Variants in CDH12 observed in about 807,000 individuals in gnomAD.
CDH12 encodes cadherin 12.
CDH12 carries 41 observed loss-of-function variants against 74.1 expected under a neutral mutation model. The ratio of observed to expected loss-of-function variants is 0.55; its 90% CI spans 0.43 to 0.72. The LOEUF is 0.72. CDH12 is among the 30% of genes least tolerant of loss of function. The probability of loss-of-function intolerance (pLI) is 0.00; values close to 1 mark genes in which losing one functional copy is unlikely to be tolerated. For synonymous variants in CDH12, 399 were observed against 355.0 expected (o/e 1.12, Z -1.39); for missense variants, 945 against 977.2 (o/e 0.97, Z 0.44).
At chr5:22,244,707 G>C (rs2150383010) in intron 3 of CDH12, among the ~76,000 whole-genome samples, 1 of 139,984 alleles carries the variant, frequency 7.1e-6, no homozygotes, top group Non-Finnish European at 1.5e-5. Flanking sequence ...GAAAAAGAAA[G>C]AGAAAGAGAG....
chr5:22,774,526 G>A (rs1019105739), intron 1 of CDH12, among the ~76,000 whole-genome samples: 1 of 152,054 alleles, frequency 6.6e-6, no homozygotes, highest in African/African-American at 2.4e-5. Flanking sequence ...GAATCATGGG[G>A]GGCAAGTCTT....
At position 21,903,903 on chromosome 5, in the gene CDH12, AC is replaced by A. The variant is rs1219392452; in HGVS notation, c.527-49114del. Among the ~76,000 whole-genome samples the A allele has an allele frequency of 1.8e-4, 28 of 152,186 alleles. 1 individual carries two copies. Among genetic ancestry groups the A allele is most frequent in the Non-Finnish European group, 4.0e-4 (27 of 68,022 alleles). ...CCAGAAAAGGAACAGAAAATGAGACACAAAAAAAGCCATCAACGACATCATT... is the reference window on the plus strand; with the variant it reads ...CCAGAAAAGGAACAGAAAATGAGACAAAAAAAAGCCATCAACGACATCATT... On this transcript the variant is annotated intron_variant, in intron 6 of 14. Transcript: ENST00000382254.
chr5:22,056,998 C>A (rs898962771), intron 5 of CDH12, among the ~76,000 whole-genome samples: 1 of 152,114 alleles, frequency 6.6e-6, no homozygotes, highest in Admixed American at 6.6e-5. Context: ...AGCAGTTCTG[C>A]ATGTTCACAA....
chr5:21,955,567 A>G (rs962871085), intron 6 of CDH12, among the ~76,000 whole-genome samples: 1 of 152,120 alleles, frequency 6.6e-6, no homozygotes, highest in African/African-American at 2.4e-5. Flanking sequence ...GTAAGGATAT[A>G]ACCTTACCAG....
intron 6 of CDH12, among the ~76,000 whole-genome samples, chr5:21,913,175 G>A (rs1319563792): frequency 1.3e-5 from 2 of 152,124 alleles, no homozygotes; most frequent in African/African-American, 4.8e-5. Context: ...TCTTAGGGAA[G>A]ATGGATTCTA....
chr5:21,878,760 AAAAG>A (rs1490536602), intron 6 of CDH12, among the ~76,000 whole-genome samples: 28 of 143,602 alleles, frequency 1.9e-4, no homozygotes, highest in Middle Eastern at 7.2e-3. Flanking sequence ...TTGAAAGAAG[AAAAG>A]AAAGAAAGAA....
intron 8 of CDH12, among the ~76,000 whole-genome samples, chr5:21,835,714 C>T (rs996453793): frequency 1.3e-5 from 2 of 151,432 alleles, no homozygotes; most frequent in African/African-American, 4.9e-5. Flanking sequence ...TTATAAGTTA[C>T]ATATTTTAAA....
At chr5:22,827,691 G>A (rs1408179835) in intron 1 of CDH12, among the ~76,000 whole-genome samples, 1 of 152,116 alleles carries the variant, frequency 6.6e-6, no homozygotes, top group Non-Finnish European at 1.5e-5. Flanking sequence ...ATTAATCATT[G>A]ATGTAAATCC....
At chr5:22,775,539 AAAAC>A (rs1561022560) in intron 1 of CDH12, among the ~76,000 whole-genome samples, 1 of 152,006 alleles carries the variant, frequency 6.6e-6, no homozygotes, top group Non-Finnish European at 1.5e-5. Context: ...ATTTTATACT[AAAAC>A]AAATATAATT....
At chr5:22,838,404 A>G (rs185947064) in intron 1 of CDH12, among the ~76,000 whole-genome samples, 1 of 152,054 alleles carries the variant, frequency 6.6e-6, no homozygotes, top group East Asian at 2.0e-4. Flanking sequence ...CTCAGCCTCC[A>G]CCTTCCAGAC....
chr5:22,154,556 T>TATAC (rs1747892822), intron 4 of CDH12, among the ~76,000 whole-genome samples: 1 of 149,368 alleles, frequency 6.7e-6, no homozygotes, highest in African/African-American at 2.5e-5. Context: ...TGTGTACACA[T>TATAC]ATATATACAC....
intron 6 of CDH12, among the ~76,000 whole-genome samples, chr5:21,929,912 C>A (rs1384456423): frequency 6.6e-6 from 1 of 152,132 alleles, no homozygotes; most frequent in East Asian, 1.9e-4. Flanking sequence ...TCTCATATAT[C>A]CTAGATAATC....
chr5:22,808,463 G>A (rs1285270739), intron 1 of CDH12, among the ~76,000 whole-genome samples: 2 of 152,052 alleles, frequency 1.3e-5, no homozygotes, highest in African/African-American at 4.8e-5. Flanking sequence ...AGAATTTAAT[G>A]GACGTACTGT....
chr5:22,425,024 T>C (rs1743838553), intron 2 of CDH12, among the ~76,000 whole-genome samples: 1 of 149,638 alleles, frequency 6.7e-6, no homozygotes, highest in Non-Finnish European at 1.5e-5. Context: ...ATCTGCACAT[T>C]GCTTTTTTAC....
chr5:22,662,427 C>T (rs555414605), intron 1 of CDH12, among the ~76,000 whole-genome samples: 1 of 152,086 alleles, frequency 6.6e-6, no homozygotes, highest in South Asian at 2.1e-4. Context: ...GGTTTGGTAG[C>T]AATGGAAGAT....
intron 3 of CDH12, among the ~76,000 whole-genome samples, chr5:22,232,582 T>C (rs1752420866): frequency 6.6e-6 from 1 of 151,696 alleles, no homozygotes; most frequent in African/African-American, 2.4e-5. Flanking sequence ...ATTCTGACTG[T>C]TCAATGAAAT....
At chr5:22,674,000 AG>A (rs1741036043) in intron 1 of CDH12, among the ~76,000 whole-genome samples, 1 of 152,192 alleles carries the variant, frequency 6.6e-6, no homozygotes, top group Admixed American at 6.5e-5. Flanking sequence ...TATTTTGAGA[AG>A]TTTTCTCCTT....
At position 22,046,430 on chromosome 5, in the gene CDH12, C is replaced by CTTTTTTTTTTTTTTTTTT. The variant is rs11323330; in HGVS notation, c.231+31998_231+32015dup. On this transcript the variant is annotated intron_variant, in intron 5 of 14. Transcript: ENST00000382254. ...GAGAAAGTCACTGGTCATTTAATTT[C>CTTTTTTTTTTTTTTTTTT]TTTTTTTTTTTTTTTTTTTTTTGAG... Among the ~76,000 whole-genome samples, 13 of 100,370 alleles carry CTTTTTTTTTTTTTTTTTT rather than the reference C, an allele frequency of 1.3e-4. 2 individuals are homozygous for CTTTTTTTTTTTTTTTTTT. The highest frequency in any genetic ancestry group is 5.1e-4 in the African/African-American group (12 of 23,406). 65.8% of individuals were successfully genotyped at this position (100,370 alleles called of 152,430 possible).
At chr5:22,260,008 G>A (rs1043122816) in intron 3 of CDH12, among the ~76,000 whole-genome samples, 2 of 152,080 alleles carry the variant, frequency 1.3e-5, no homozygotes, top group African/African-American at 4.8e-5. Context: ...CTTAAAAAGT[G>A]AGCATGTGTG....
Sources: allele counts gnomAD v4.1 joint callset (sites outside exome capture counted in the v4.1 genomes callset), GRCh38; gene constraint gnomAD v4.1.1; transcripts MANE v1.5; gene names NCBI Gene and HGNC (gene_info 2026-07-23, HGNC 2026-07-21).